The following DMXL1 variants were observed in gnomAD, a reference collection of about 807,000 sequenced individuals.
The protein encoded by DMXL1 is Dmx like 1, also known as dmX-like protein 1.
Under a neutral mutation model 319.2 loss-of-function variants are expected in DMXL1, and 99 were observed. That is an observed-to-expected ratio of 0.31 (90% CI 0.26 to 0.37). The LOEUF (loss-of-function observed/expected upper bound fraction) is 0.37, where lower values mean the gene tolerates loss of function less well. Among genes scored for constraint, DMXL1 ranks in the 10% least tolerant of loss-of-function variants. The pLI, the probability that DMXL1 is intolerant of heterozygous loss-of-function variation, is 1.00. For synonymous variants in DMXL1, 1,385 were observed against 1,235.2 expected (o/e 1.12, Z -2.54); for missense variants, 3,745 against 3,595.6 (o/e 1.04, Z -1.06).
At chr5:119,126,014 G>T (rs1051493396) in intron 9 of DMXL1, among the ~76,000 whole-genome samples, 8 of 152,070 alleles carry the variant, frequency 5.3e-5, no homozygotes, top group African/African-American at 1.9e-4. Context: ...TTATTGACTG[G>T]GTTCGATGGC....
Position 119,126,214 on chromosome 5 carries a change from C to T in DMXL1, c.1103-2997C>T, listed in dbSNP as rs561068281. On this transcript the variant is annotated intron_variant, in intron 9 of 43. Transcript: ENST00000539542. ...AGGAGAATCGCTTGAACCTGGGAGGCGGAGGTTGTAGTGAGCTGAGATTGC... is the reference window on the plus strand; with the variant it reads ...AGGAGAATCGCTTGAACCTGGGAGGTGGAGGTTGTAGTGAGCTGAGATTGC... 1.3e-3 allele frequency among the ~76,000 whole-genome samples: 205 copies of T among 152,172 alleles called. 1 individual carries two copies. Among genetic ancestry groups the T allele is most frequent in the African/African-American group, 4.7e-3 (197 of 41,518 alleles).
chr5:119,173,728 A>ATG (rs1259413924), intron 25 of DMXL1, among the ~76,000 whole-genome samples: 4 of 106,618 alleles, frequency 3.8e-5, no homozygotes, highest in Admixed American at 1.1e-4. Context: ...GTATATATAT[A>ATG]TATGTGTGTA....
intron 21 of DMXL1, 48 bp downstream of exon 21, chr5:119,165,328 T>C: frequency 2.0e-6 from 2 of 995,430 alleles, no homozygotes; most frequent in Non-Finnish European, 3.1e-6. Flanking sequence ...TGAAAACCTG[T>C]TCATAAGAAG....
chr5:119,246,125 G>C (rs542426099), intron 43 of DMXL1, among the ~76,000 whole-genome samples: 10 of 152,226 alleles, frequency 6.6e-5, no homozygotes, highest in African/African-American at 2.4e-4. Context: ...TGCTTTACAG[G>C]CACATTTATT....
chr5:119,071,432 G>C lies in DMXL1; in HGVS notation c.-138G>C. 1 of 847,184 alleles carries C rather than the reference G, an allele frequency of 1.2e-6. No homozygotes were observed. The highest frequency in any genetic ancestry group is 1.9e-6 in the Non-Finnish European group (1 of 530,440). The allele number at this position is 847,184 out of a possible 1,614,324, so 52.5% of individuals were successfully genotyped here. A position where few individuals can be genotyped will look rare whatever the true frequency, so the allele number is the denominator to read the frequency against. ...TCGCGGGCCCCAGCTGAGCGGCTCC[G>C]GCTCCAGGCGCCTGTCGCTGCTTCT... On this transcript the variant is annotated 5_prime_UTR_variant, in exon 1 of 44. Coordinates refer to ENST00000539542, the MANE Select transcript of DMXL1 (RefSeq NM_001290321.3).
intron 24 of DMXL1, among the ~76,000 whole-genome samples, chr5:119,171,567 T>C (rs997627437): frequency 1.0e-5 from 1 of 99,892 alleles, no homozygotes; most frequent in African/African-American, 3.0e-5. Flanking sequence ...ATTGTCTTAT[T>C]TTTTTTTTCC....
rs908987856 is a variant in DMXL1 at position 119,110,795 on chromosome 5, G to A, written c.497+512G>A. Among the ~76,000 whole-genome samples, 17 of 152,172 alleles carry A rather than the reference G, an allele frequency of 1.1e-4. 1 individual carries two copies. Among genetic ancestry groups the A allele is most frequent in the African/African-American group, 3.1e-4 (13 of 41,438 alleles). The stretch of plus-strand genomic sequence containing the variant: ...AATGCCACAGATGATCAAGCATTTT[G>A]TTATTGATGTAGGAACAGACAGATT... On this transcript the variant is annotated intron_variant, in intron 5 of 43. Coordinates refer to ENST00000539542, the MANE Select transcript of DMXL1 (RefSeq NM_001290321.3).
At chr5:119,211,189 A>G (rs1782748455) in intron 34 of DMXL1, among the ~76,000 whole-genome samples, 1 of 152,098 alleles carries the variant, frequency 6.6e-6, no homozygotes, top group South Asian at 2.1e-4. Context: ...GAATTTTTAC[A>G]TCTATGTTCA....
chr5:119,133,634 C>G lies in DMXL1; in HGVS notation c.1710C>G (p.Thr570=). ...QQGKQKPSGL[T]RSTSMLISSG... ...GGAAACAAAAACCTTCTGGCCTCACCCGTTCCACATCAATGCTTATTTCTT... is the reference window on the plus strand; with the variant it reads ...GGAAACAAAAACCTTCTGGCCTCACGCGTTCCACATCAATGCTTATTTCTT... Residue 570 remains threonine (T), a synonymous_variant, in exon 12 of 44, where the codon ACC becomes ACG. Coordinates refer to ENST00000539542, the MANE Select transcript of DMXL1 (RefSeq NM_001290321.3). The G allele has an allele frequency of 1.2e-6, 2 of 1,614,142 alleles. No individual in the cohort carries two copies. Among genetic ancestry groups the G allele is most frequent in the Non-Finnish European group, 1.7e-6 (2 of 1,180,020 alleles).
chr5:119,110,934 A>G (rs1349119079), intron 5 of DMXL1, among the ~76,000 whole-genome samples: 1 of 152,130 alleles, frequency 6.6e-6, no homozygotes, highest in Non-Finnish European at 1.5e-5. Flanking sequence ...GATTACAGGC[A>G]CGCGCCACCA....
intron 39 of DMXL1, among the ~76,000 whole-genome samples, chr5:119,235,939 A>C (rs1787673898): frequency 6.6e-6 from 1 of 152,096 alleles, no homozygotes; most frequent in African/African-American, 2.4e-5. Context: ...TGAAGAACAT[A>C]CCTAGATCTA....
At chr5:119,154,910 A>G (rs1164994215) in intron 19 of DMXL1, among the ~76,000 whole-genome samples, 1 of 152,234 alleles carries the variant, frequency 6.6e-6, no homozygotes, top group Non-Finnish European at 1.5e-5. Flanking sequence ...CCCATTTACC[A>G]TTCTGAAAAT....
chr5:119,173,770 G>A (rs1425584694), intron 25 of DMXL1, among the ~76,000 whole-genome samples: 1,565 of 38,058 alleles, frequency 0.041, 51 homozygotes, highest in South Asian at 0.084. Context: ...ATATATATGT[G>A]TGTGTGTATA....
At chr5:119,220,818 AC>A in intron 36 of DMXL1, 121 bp from the exon 37 acceptor site, 1 of 1,268,014 alleles carries the variant, frequency 7.9e-7, no homozygotes, top group Non-Finnish European at 1.1e-6. Context: ...TGTGTGAGTT[AC>A]AAATAAGAGC....
chr5:119,148,623 C>G, intron 17 of DMXL1, 116 bp from the exon 18 acceptor site: 1 of 1,015,428 alleles, frequency 9.8e-7, no homozygotes, highest in East Asian at 2.4e-5. Context: ...CAAGATGCCC[C>G]TTTGATTTTG....
intron 34 of DMXL1, among the ~76,000 whole-genome samples, chr5:119,213,742 A>G (rs1007393018): frequency 3.3e-5 from 5 of 152,134 alleles, no homozygotes; most frequent in African/African-American, 1.2e-4. Context: ...TAATTTGGTT[A>G]TTATCTCCAG....
intron 25 of DMXL1, among the ~76,000 whole-genome samples, chr5:119,173,595 A>G (rs760681874): frequency 6.6e-6 from 1 of 150,814 alleles, no homozygotes; most frequent in Non-Finnish European, 1.5e-5. Flanking sequence ...AATCTGGGTC[A>G]TATGTATCTC....
intron 10 of DMXL1, among the ~76,000 whole-genome samples, chr5:119,132,326 G>T (rs1765091717): frequency 6.6e-6 from 1 of 152,134 alleles, no homozygotes; most frequent in South Asian, 2.1e-4. Flanking sequence ...ATAGATTGCT[G>T]GATTGATTTT....
At chr5:119,150,442 G>C (rs200535856) in intron 18 of DMXL1, 21 bp downstream of exon 18, 312 of 1,557,684 alleles carry the variant, frequency 2.0e-4, no homozygotes, top group Non-Finnish European at 2.6e-4. Context: ...ACTCCGTACT[G>C]ATAACATTTT....
Sources: gnomAD v4.1 joint callset for allele counts (sites outside exome capture counted in the v4.1 genomes callset) on GRCh38, gnomAD v4.1.1 for gene constraint, MANE v1.5 for transcripts, NCBI Gene and HGNC (gene_info 2026-07-23, HGNC 2026-07-21) for gene names.